Variants in EPB41L4A observed in about 807,000 individuals in gnomAD.
EPB41L4A encodes the protein erythrocyte membrane protein band 4.1 like 4A.
In EPB41L4A, 100 loss-of-function variants were observed where a neutral mutation model predicts 108.6. That is an observed-to-expected ratio of 0.92 (90% CI 0.78 to 1.09). The LOEUF (loss-of-function observed/expected upper bound fraction) is 1.09. Ranked by LOEUF, EPB41L4A falls within the 50% of genes least tolerant of loss-of-function variation. The pLI, the probability that EPB41L4A is intolerant of heterozygous loss-of-function variation, is 0.00. For missense variants in EPB41L4A, 1,030 were observed against 842.7 expected (o/e 1.22, Z -2.75); for synonymous variants, 319 against 289.0 (o/e 1.10, Z -1.05).
At chr5:112,296,986 TACATAC>T (rs1375279045) in intron 2 of EPB41L4A, among the ~76,000 whole-genome samples, 2 of 126,392 alleles carry the variant, frequency 1.6e-5, no homozygotes, top group African/African-American at 3.7e-5. Context: ...CATATATACA[TACATAC>T]ACACACACAC....
intron 1 of EPB41L4A, among the ~76,000 whole-genome samples, chr5:112,416,942 T>C (rs1205777593): frequency 1.3e-5 from 2 of 152,220 alleles, no homozygotes; most frequent in East Asian, 1.9e-4. Context: ...TAGAAGATAA[T>C]GTGATTAGCT....
chr5:112,405,139 TTC>T (rs1762006083), intron 1 of EPB41L4A, among the ~76,000 whole-genome samples: 1 of 152,214 alleles, frequency 6.6e-6, no homozygotes, highest in Admixed American at 6.5e-5. Flanking sequence ...TGAGCTCGCA[TTC>T]TCTCATATTC....
chr5:112,340,440 G>A lies in EPB41L4A; in HGVS notation c.100-32950C>T, dbSNP rs868845978. Among the ~76,000 whole-genome samples, 93 of 152,334 alleles carry A rather than the reference G, an allele frequency of 6.1e-4. 1 individual carries two copies. The highest frequency in any genetic ancestry group is 2.2e-3 in the African/African-American group (90 of 41,584). ...AGAACACATTTTGGGAACCACTGCTGTAGCATTTAACCATGACCCCTGCTT... is the reference window on the plus strand; with the variant it reads ...AGAACACATTTTGGGAACCACTGCTATAGCATTTAACCATGACCCCTGCTT... On this transcript the variant is annotated intron_variant, in intron 1 of 22. Coordinates refer to ENST00000261486, the MANE Select transcript of EPB41L4A (RefSeq NM_022140.5).
chr5:112,262,398 A>C (rs1429778222), intron 7 of EPB41L4A, 96 bp downstream of exon 7: 33 of 967,710 alleles, frequency 3.4e-5, no homozygotes. Context: ...TGCTTGCTAA[A>C]CAACAGGACT....
At chr5:112,203,092 C>T (rs1477586539) in intron 15 of EPB41L4A, among the ~76,000 whole-genome samples, 5 of 151,400 alleles carry the variant, frequency 3.3e-5, no homozygotes, top group Non-Finnish European at 5.9e-5. Flanking sequence ...AGAGGCCGGG[C>T]GCGGTGACTC....
chr5:112,335,325 A>G (rs1283821148), intron 1 of EPB41L4A, among the ~76,000 whole-genome samples: 1 of 152,236 alleles, frequency 6.6e-6, no homozygotes, highest in African/African-American at 2.4e-5. Context: ...TTTAAGCCTT[A>G]TAAGAGGAAG....
At chr5:112,339,480 A>C (rs56372637) in intron 1 of EPB41L4A, among the ~76,000 whole-genome samples, 571 of 32,950 alleles carry the variant, frequency 0.017, 3 homozygotes, top group African/African-American at 0.048. Flanking sequence ...ATATCTATAT[A>C]TATATATATA....
intron 9 of EPB41L4A, among the ~76,000 whole-genome samples, chr5:112,255,912 C>T (rs1198710541): frequency 6.6e-6 from 1 of 152,066 alleles, no homozygotes; most frequent in Non-Finnish European, 1.5e-5. Flanking sequence ...CATAGCCTTC[C>T]CCACCTCACC....
At chr5:112,160,332 T>C (rs972807407), downstream of EPB41L4A, among the ~76,000 whole-genome samples, 2 of 152,118 alleles carry the variant, frequency 1.3e-5, no homozygotes, top group East Asian at 1.9e-4. Flanking sequence ...GGCACTTACA[T>C]TGTAGAATTT....
intron 1 of EPB41L4A, among the ~76,000 whole-genome samples, chr5:112,332,328 G>T (rs1190218772): frequency 6.6e-6 from 1 of 152,148 alleles, no homozygotes; most frequent in Admixed American, 6.5e-5. Flanking sequence ...AGTACTATTT[G>T]CATTATTTGA....
chr5:112,357,243 C>G (rs988938645), intron 1 of EPB41L4A, among the ~76,000 whole-genome samples: 1 of 152,194 alleles, frequency 6.6e-6, no homozygotes, highest in Admixed American at 6.5e-5. Context: ...TAGCTTGCAA[C>G]CAGGCTCTGG....
At chr5:112,360,523 C>T (rs1758654773) in intron 1 of EPB41L4A, among the ~76,000 whole-genome samples, 1 of 152,256 alleles carries the variant, frequency 6.6e-6, no homozygotes, top group Non-Finnish European at 1.5e-5. Context: ...GATCTGCCAG[C>T]CTCGGCCTCC....
At chr5:112,165,211 T>A (rs922243714) in intron 22 of EPB41L4A, 93 bp from the exon 23 acceptor site, 20 of 942,680 alleles carry the variant, frequency 2.1e-5, no homozygotes, top group Non-Finnish European at 3.2e-5. Flanking sequence ...CTCTTAAATT[T>A]AAGATACTGA....
rs370935996 is a variant in EPB41L4A at position 112,167,745 on chromosome 5, G to T, written c.1932+994C>A. On this transcript the variant is annotated intron_variant, in intron 22 of 22. Coordinates refer to ENST00000261486, the MANE Select transcript of EPB41L4A (RefSeq NM_022140.5). Reference sequence around the variant, plus strand: ...TCCCCAACAACTATGGATCCCGTGGGCACTTTCCAACAAGCTTCCTGCATG... The same window carrying T: ...TCCCCAACAACTATGGATCCCGTGGTCACTTTCCAACAAGCTTCCTGCATG... 2.2e-4 allele frequency among the ~76,000 whole-genome samples: 34 copies of T among 152,206 alleles called. No individual in the cohort carries two copies. The East Asian group carries it at 3.5e-3, about 16-fold the overall frequency.
chr5:112,330,503 C>T (rs1393917799), intron 1 of EPB41L4A, among the ~76,000 whole-genome samples: 1 of 152,080 alleles, frequency 6.6e-6, no homozygotes, highest in Non-Finnish European at 1.5e-5. Flanking sequence ...GTATCAGTGG[C>T]TTGCATGCAT....
chr5:112,323,593 T>C (rs2150633490), intron 1 of EPB41L4A, among the ~76,000 whole-genome samples: 1 of 152,256 alleles, frequency 6.6e-6, no homozygotes, highest in South Asian at 2.1e-4. Context: ...AATCTTATTT[T>C]ATCAAAAACG....
At chr5:112,339,531 T>TCTATATACAG (rs368050224) in intron 1 of EPB41L4A, among the ~76,000 whole-genome samples, 3 of 112,786 alleles carry the variant, frequency 2.7e-5, no homozygotes, top group African/African-American at 1.2e-4. Flanking sequence ...TATATATCTA[T>TCTATATACAG]ATATATATAT....
chr5:112,353,478 T>C (rs939935101), intron 1 of EPB41L4A, among the ~76,000 whole-genome samples: 1 of 150,334 alleles, frequency 6.7e-6, no homozygotes, highest in African/African-American at 2.5e-5. Flanking sequence ...TTAGTGGTGG[T>C]GGTGATGAGC....
chr5:112,328,199 C>T (rs1396602667), intron 1 of EPB41L4A, among the ~76,000 whole-genome samples: 1 of 152,038 alleles, frequency 6.6e-6, no homozygotes, highest in Non-Finnish European at 1.5e-5. Flanking sequence ...GTCCCAGCTA[C>T]TTTGGAACCT....
Sources: allele counts gnomAD v4.1 joint callset (sites outside exome capture counted in the v4.1 genomes callset), GRCh38; gene constraint gnomAD v4.1.1; transcripts MANE v1.5; gene names NCBI Gene and HGNC (gene_info 2026-07-23, HGNC 2026-07-21).